SOCS6: variants seen among roughly 807,000 people sequenced by gnomAD.
SOCS6 encodes suppressor of cytokine signaling 6.
In SOCS6, 5 loss-of-function variants were observed where a neutral mutation model predicts 27.7. That is an observed-to-expected ratio of 0.18 (90% CI 0.09 to 0.38). The LOEUF (loss-of-function observed/expected upper bound fraction) is 0.38. Among genes scored for constraint, SOCS6 ranks in the 10% least tolerant of loss-of-function variants. SOCS6 has a pLI of 1.00. For synonymous variants in SOCS6, 271 were observed against 260.0 expected (o/e 1.04, Z -0.41); for missense variants, 595 against 688.1 (o/e 0.86, Z 1.51).
chr18:70,318,822 GCTA>G (rs1464793220), intron 1 of SOCS6, among the ~76,000 whole-genome samples: 1 of 151,912 alleles, frequency 6.6e-6, no homozygotes, highest in Admixed American at 6.6e-5. Context: ...TATAATCCCA[GCTA>G]CTCAGGAGGC....
chr18:70,319,271 A>G, intron 1 of SOCS6, among the ~76,000 whole-genome samples: 1 of 152,204 alleles, frequency 6.6e-6, no homozygotes, highest in Middle Eastern at 3.2e-3. Context: ...AAGTACATGA[A>G]CCATGCAGGT....
rs550577601 is a variant in SOCS6, at chr18:70,324,811, G to A, written c.143G>A (p.Gly48Asp). ...GATTCCTTATTTGGTAGCTGCTATG[G>A]TAAAGATATGGCCAGCTGCGATATC... ...KDDSLFGSCY[G>D]KDMASCDING... is the part of the protein sequence containing the mutation. The change falls in exon 2 of 2, where the codon GGT (glycine) becomes GAT (aspartate). Residue 48 changes from glycine to aspartate, a missense_variant. This residue lies in a region of SOCS6 where 467 missense variants were observed against 481.1 expected (regional missense o/e 0.97). Coordinates refer to ENST00000397942, the MANE Select transcript of SOCS6 (RefSeq NM_004232.4). 1 of 1,614,176 alleles carries A rather than the reference G, an allele frequency of 6.2e-7. No individual in the cohort carries two copies. The highest frequency in any genetic ancestry group is 1.3e-5 in the African/African-American group (1 of 75,042).
intron 1 of SOCS6, among the ~76,000 whole-genome samples, chr18:70,311,478 T>G (rs927588813): frequency 2.0e-5 from 3 of 152,136 alleles, no homozygotes; most frequent in African/African-American, 7.2e-5. Flanking sequence ...AGACAGGGTT[T>G]TTTTACTTAG....
At chr18:70,322,750 T>C (rs967729224) in intron 1 of SOCS6, among the ~76,000 whole-genome samples, 2 of 152,148 alleles carry the variant, frequency 1.3e-5, no homozygotes, top group Non-Finnish European at 2.9e-5. Context: ...CAGTAGACTT[T>C]TAAAAATTGC....
At position 70,325,912 on chromosome 18, in the gene SOCS6, G is replaced by C. The variant is rs1349465444; in HGVS notation, c.1244G>C (p.Arg415Pro). The C allele has an allele frequency of 6.2e-7, 1 of 1,614,192 alleles. No individual in the cohort carries two copies. Among genetic ancestry groups the C allele is most frequent in the Non-Finnish European group, 8.5e-7 (1 of 1,180,024 alleles). ...SFLVRDSSDD[R>P]YLLSLSFRSH... ...CTTGTTCGGGACAGTTCTGACGACC[G>C]TTACCTTTTAAGCTTGAGCTTTCGC... is the stretch of plus-strand genomic sequence containing the variant. The change falls in exon 2 of 2, where the codon CGT becomes CCT. Residue 415 changes from arginine (R) to proline (P), a missense_variant. Arg to Pro is a moderately radical substitution (Grantham distance 103). Around this residue, in one of 2 missense-constraint regions of SOCS6, gnomAD observed 128 missense variants for 207.0 expected, o/e 0.62. Coordinates refer to ENST00000397942, the MANE Select transcript of SOCS6 (RefSeq NM_004232.4). This position sits in a 1 kb window ranked among gnomAD's most constrained non-coding sequence, Gnocchi z 6.3.
intron 1 of SOCS6, among the ~76,000 whole-genome samples, chr18:70,291,328 T>C (rs2062298414): frequency 6.6e-6 from 1 of 151,980 alleles, no homozygotes; most frequent in African/African-American, 2.4e-5. Context: ...TCTCAAACTC[T>C]AGGCCTCAAG....
intron 1 of SOCS6, among the ~76,000 whole-genome samples, chr18:70,303,005 G>T (rs1238610226): frequency 6.6e-6 from 1 of 151,848 alleles, no homozygotes; most frequent in Non-Finnish European, 1.5e-5. Flanking sequence ...TTAAAAAAAA[G>T]TAAGAACAAA....
At chr18:70,314,431 A>G (rs1296413508) in intron 1 of SOCS6, among the ~76,000 whole-genome samples, 1 of 152,164 alleles carries the variant, frequency 6.6e-6, no homozygotes, top group African/African-American at 2.4e-5. Flanking sequence ...TTATAATACC[A>G]TATTTTTACT....
At chr18:70,308,899 G>C (rs552957369) in intron 1 of SOCS6, among the ~76,000 whole-genome samples, 3 of 152,188 alleles carry the variant, frequency 2.0e-5, no homozygotes, top group African/African-American at 7.2e-5. Context: ...TATTTACATG[G>C]AAATTTTTTC....
chr18:70,316,681 A>AT (rs1196684157), intron 1 of SOCS6, among the ~76,000 whole-genome samples: 2 of 150,348 alleles, frequency 1.3e-5, no homozygotes, highest in Non-Finnish European at 3.0e-5. Flanking sequence ...GCCTTTTTCC[A>AT]TTTTTTTCTG....
In SOCS6 at chr18:70,327,825, T is replaced by C. The variant is rs1911268396; in HGVS notation, c.*1549T>C. 6.0e-6 allele frequency: 1 copy of C among 166,762 alleles called. No individual in the cohort carries two copies. Among genetic ancestry groups the C allele is most frequent in the South Asian group, 2.1e-4 (1 of 4,828 alleles). 10.3% of individuals were successfully genotyped at this position (166,762 alleles called of 1,614,324 possible). A position where few individuals can be genotyped will look rare whatever the true frequency, so the allele number is the denominator to read the frequency against. ...AAAGGAAGAGATAGGAAAAGTCTCT[T>C]ACCCACTTTAAACATGAGGGTAAAG... is the stretch of plus-strand genomic sequence containing the variant. On this transcript the variant is annotated 3_prime_UTR_variant, in exon 2 of 2. Coordinates refer to ENST00000397942, the MANE Select transcript of SOCS6 (RefSeq NM_004232.4).
intron 1 of SOCS6, among the ~76,000 whole-genome samples, chr18:70,320,565 CGAGA>C (rs531244677): frequency 1.2e-3 from 182 of 152,050 alleles, no homozygotes; most frequent in Non-Finnish European, 1.8e-3. Flanking sequence ...AGATATTTTG[CGAGA>C]GAGAGAGTCC....
chr18:70,322,618 C>G (rs41476647), intron 1 of SOCS6, among the ~76,000 whole-genome samples: 3,931 of 152,256 alleles, frequency 0.026, 90 homozygotes, highest in South Asian at 0.078. Flanking sequence ...GGGTAGAAGA[C>G]ATGCTACTAA....
In SOCS6 at chr18:70,327,354, A is replaced by G. The variant is rs1481027350; in HGVS notation, c.*1078A>G. 1 of 166,872 alleles carries G rather than the reference A, an allele frequency of 6.0e-6. No homozygotes were observed. The highest frequency in any genetic ancestry group is 6.5e-5 in the Admixed American group (1 of 15,284). 10.3% of individuals were successfully genotyped at this position (166,872 alleles called of 1,614,324 possible). ...TATATTTTTCTTCTATGTAGTTACT[A>G]TAAAAGTGTGCTGGATTTGACCAAT... is the stretch of plus-strand genomic sequence containing the variant. On this transcript the variant is annotated 3_prime_UTR_variant, in exon 2 of 2. Coordinates refer to ENST00000397942, the MANE Select transcript of SOCS6 (RefSeq NM_004232.4).
chr18:70,292,201 T>A (rs893653294), intron 1 of SOCS6, among the ~76,000 whole-genome samples: 2 of 152,250 alleles, frequency 1.3e-5, no homozygotes, highest in Admixed American at 1.3e-4. Context: ...TTGCACACTC[T>A]GGACATGTTG....
intron 1 of SOCS6, among the ~76,000 whole-genome samples, chr18:70,308,288 C>T (rs1384733089): frequency 6.6e-6 from 1 of 152,110 alleles, no homozygotes; most frequent in African/African-American, 2.4e-5. Flanking sequence ...TAATCATGGA[C>T]AAGATGCAGC....
chr18:70,304,379 G>GAA (rs35224917), intron 1 of SOCS6, among the ~76,000 whole-genome samples: 2 of 149,602 alleles, frequency 1.3e-5, no homozygotes, highest in Non-Finnish European at 1.5e-5. Context: ...TGCAATCGGG[G>GAA]AAAAAAAAAA....
At chr18:70,321,899 C>G (rs1205240341) in intron 1 of SOCS6, among the ~76,000 whole-genome samples, 1 of 152,124 alleles carries the variant, frequency 6.6e-6, no homozygotes, top group Non-Finnish European at 1.5e-5. Context: ...ATTCCAGTCT[C>G]TCTGATAACC....
intron 1 of SOCS6, among the ~76,000 whole-genome samples, chr18:70,303,628 A>G (rs1425198753): frequency 6.6e-6 from 1 of 152,124 alleles, no homozygotes; most frequent in African/African-American, 2.4e-5. Flanking sequence ...ACCCATGTCT[A>G]TTAAAAATAC....
Sources: allele counts gnomAD v4.1 joint callset (sites outside exome capture counted in the v4.1 genomes callset), GRCh38; gene constraint gnomAD v4.1.1; regional missense constraint gnomAD v4.1.1; non-coding constraint Gnocchi (gnomAD v3.1); transcripts MANE v1.5; gene names NCBI Gene and HGNC (gene_info 2026-07-23, HGNC 2026-07-21).